The following GPC5 variants were observed in gnomAD, a reference collection of about 807,000 sequenced individuals.
GPC5 encodes glypican 5.
A neutral mutation model predicts 53.9 loss-of-function variants in GPC5; 47 were observed. The ratio of observed to expected loss-of-function variants is 0.87; its 90% CI spans 0.69 to 1.11. The LOEUF is 1.11. Ranked by LOEUF, GPC5 falls within the 50% of genes most tolerant of loss-of-function variation. GPC5 has a pLI of 0.00. For synonymous variants in GPC5, 286 were observed against 263.3 expected (o/e 1.09, Z -0.84); for missense variants, 748 against 713.1 (o/e 1.05, Z -0.56).
intron 5 of GPC5, among the ~76,000 whole-genome samples, chr13:91,872,347 T>A (rs2039154977): frequency 1.3e-5 from 2 of 152,022 alleles, no homozygotes; most frequent in Admixed American, 1.3e-4. Context: ...TTCAAAAAAA[T>A]AAAATATAAC....
chr13:92,358,780 A>G (rs774188536), intron 7 of GPC5, among the ~76,000 whole-genome samples: 4 of 151,736 alleles, frequency 2.6e-5, no homozygotes, highest in Non-Finnish European at 5.9e-5. Flanking sequence ...ACAGGAAGCA[A>G]TGTCTTGAGG....
In GPC5 at chr13:91,584,827, G is replaced by T. The variant is rs7334558; in HGVS notation, c.326-108360G>T. Among the ~76,000 whole-genome samples, 4 of 152,146 alleles carry T rather than the reference G, an allele frequency of 2.6e-5. No homozygotes were observed. In the East Asian group the frequency reaches 7.7e-4, roughly 29 times the overall value. ...ACTCCTGACCTTAGGTGATCTGCCC[G>T]CCCGGTCTCCCAAAGTGCTGGGATT... On this transcript the variant is annotated intron_variant, in intron 2 of 7. Coordinates refer to ENST00000377067, the MANE Select transcript of GPC5 (RefSeq NM_004466.6).
intron 7 of GPC5, among the ~76,000 whole-genome samples, chr13:92,503,400 C>T (rs1880258739): frequency 6.6e-6 from 1 of 151,584 alleles, no homozygotes; most frequent in Admixed American, 6.6e-5. Context: ...TAAAGCAGTG[C>T]TTAGCCAGAA....
intron 5 of GPC5, among the ~76,000 whole-genome samples, chr13:91,792,812 G>T (rs890436553): frequency 6.6e-6 from 1 of 152,092 alleles, no homozygotes; most frequent in Non-Finnish European, 1.5e-5. Flanking sequence ...AATGCATGTG[G>T]TTGCTACATT....
chr13:91,809,313 T>TTATCC (rs1161828806), intron 5 of GPC5, among the ~76,000 whole-genome samples: 4 of 152,182 alleles, frequency 2.6e-5, no homozygotes, highest in Admixed American at 2.6e-4. Flanking sequence ...ATCATAGCAA[T>TTATCC]TATCCTGTCT....
At chr13:92,257,120 G>C (rs1643985562) in intron 7 of GPC5, among the ~76,000 whole-genome samples, 1 of 151,998 alleles carries the variant, frequency 6.6e-6, no homozygotes, top group African/African-American at 2.4e-5. Context: ...AAAAATTTCT[G>C]TTTGGCTTAA....
At chr13:91,847,942 T>G (rs2038870708) in intron 5 of GPC5, among the ~76,000 whole-genome samples, 1 of 152,228 alleles carries the variant, frequency 6.6e-6, no homozygotes, top group Non-Finnish European at 1.5e-5. Flanking sequence ...TCCATCACTT[T>G]GGAAAAGATC....
chr13:92,676,464 T>C (rs1749693887), intron 7 of GPC5, among the ~76,000 whole-genome samples: 1 of 152,156 alleles, frequency 6.6e-6, no homozygotes, highest in Admixed American at 6.5e-5. Context: ...ACTAGAAAAG[T>C]CAAAGAATGC....
In GPC5 at chr13:92,286,170, T is replaced by C. The variant is rs542925732; in HGVS notation, c.1561+141181T>C. Among the ~76,000 whole-genome samples the C allele has an allele frequency of 7.2e-5, 11 of 152,122 alleles. No homozygotes were observed. In the East Asian group the frequency reaches 1.9e-3, roughly 27 times the overall value. The stretch of plus-strand genomic sequence containing the variant: ...TCACTGGCCATCAGAGAAATGCAAA[T>C]CAAAACCACAATGAGATACCATCTC... On this transcript the variant is annotated intron_variant, in intron 7 of 7. Coordinates refer to ENST00000377067, the MANE Select transcript of GPC5 (RefSeq NM_004466.6).
intron 7 of GPC5, among the ~76,000 whole-genome samples, chr13:92,273,875 T>G (rs2139158699): frequency 6.6e-6 from 1 of 152,160 alleles, no homozygotes; most frequent in South Asian, 2.1e-4. Context: ...TAAGAAAAAT[T>G]ATCCAATACC....
At chr13:91,988,245 T>C (rs989107425) in intron 6 of GPC5, among the ~76,000 whole-genome samples, 1 of 152,010 alleles carries the variant, frequency 6.6e-6, no homozygotes, top group Non-Finnish European at 1.5e-5. Flanking sequence ...TTTCTACACA[T>C]GAAATGAACA....
chr13:91,620,869 T>C (rs2033835594), intron 2 of GPC5, among the ~76,000 whole-genome samples: 1 of 152,124 alleles, frequency 6.6e-6, no homozygotes, highest in South Asian at 2.1e-4. Flanking sequence ...TTTGCTATAT[T>C]AGATCCTAAA....
intron 2 of GPC5, among the ~76,000 whole-genome samples, chr13:91,568,251 C>A (rs1250637340): frequency 6.6e-6 from 1 of 152,142 alleles, no homozygotes; most frequent in East Asian, 1.9e-4. Context: ...TGATCTATGA[C>A]TGGCAGCATT....
At chr13:91,419,344 A>G (rs1248993080) in intron 1 of GPC5, among the ~76,000 whole-genome samples, 1 of 152,192 alleles carries the variant, frequency 6.6e-6, no homozygotes, top group African/African-American at 2.4e-5. Flanking sequence ...AGAGTAGTAA[A>G]AATAATATGG....
chr13:91,805,070 C>T (rs1566273545), intron 5 of GPC5, among the ~76,000 whole-genome samples: 1 of 152,158 alleles, frequency 6.6e-6, no homozygotes, highest in Non-Finnish European at 1.5e-5. Context: ...CACATCTCCC[C>T]CTGCCTTTAG....
chr13:91,864,386 A>G (rs1399756958), intron 5 of GPC5, among the ~76,000 whole-genome samples: 1 of 152,086 alleles, frequency 6.6e-6, no homozygotes, highest in Admixed American at 6.6e-5. Context: ...ATTTTGTTTT[A>G]CTGTCTTTGC....
chr13:92,391,464 AC>A (rs1041933599), intron 7 of GPC5, among the ~76,000 whole-genome samples: 1 of 152,126 alleles, frequency 6.6e-6, no homozygotes, highest in African/African-American at 2.4e-5. Context: ...CTAAGACCTA[AC>A]CTTTTGTATT....
intron 7 of GPC5, among the ~76,000 whole-genome samples, chr13:92,555,449 A>G (rs1261484276): frequency 6.6e-6 from 1 of 151,434 alleles, no homozygotes; most frequent in Non-Finnish European, 1.5e-5. Flanking sequence ...ATTTAGCTCA[A>G]TTTAGAATAA....
intron 2 of GPC5, among the ~76,000 whole-genome samples, chr13:91,610,439 T>C (rs2033512082): frequency 6.6e-6 from 1 of 152,216 alleles, no homozygotes; most frequent in Admixed American, 6.5e-5. Flanking sequence ...TTCTTATAAC[T>C]TTCATTTTGA....
Sources: allele counts gnomAD v4.1 joint callset (sites outside exome capture counted in the v4.1 genomes callset), GRCh38; gene constraint gnomAD v4.1.1; transcripts MANE v1.5; gene names NCBI Gene and HGNC (gene_info 2026-07-23, HGNC 2026-07-21).